ARK2N: variants seen among roughly 807,000 people sequenced by gnomAD.
ARK2N encodes the protein protein ARK2N.
At chr18:46,202,926 A>T in the ARK2N span, among the ~76,000 whole-genome samples, 1 of 152,178 alleles carries the variant, frequency 6.6e-6, no homozygotes, top group Admixed American at 6.5e-5. Flanking sequence ...CTTGGAGAGA[A>T]TACTGTTTTA....
At chr18:46,248,710 G>T in the ARK2N span, among the ~76,000 whole-genome samples, 44 of 152,126 alleles carry the variant, frequency 2.9e-4, no homozygotes, top group African/African-American at 9.9e-4. Context: ...TCAGCATCCG[G>T]AGTAGCAGGG....
At chr18:46,254,674 CTGTT>C in the ARK2N span, among the ~76,000 whole-genome samples, 1 of 152,158 alleles carries the variant, frequency 6.6e-6, no homozygotes, top group Non-Finnish European at 1.5e-5. Flanking sequence ...TCATCGATGT[CTGTT>C]TGTGCACTCC....
At chr18:46,198,805 G>T in the ARK2N span, among the ~76,000 whole-genome samples, 1 of 151,822 alleles carries the variant, frequency 6.6e-6, no homozygotes, top group East Asian at 1.9e-4. Context: ...CACTATGTTG[G>T]CCAGGTTGGT....
the ARK2N span, chr18:46,217,650 CTT>C: frequency 6.6e-6 from 1 of 152,166 alleles, no homozygotes; most frequent in Non-Finnish European, 1.5e-5. Context: ...GCTTCCCAAA[CTT>C]ATATAAATTC....
At chr18:46,221,312 G>A in the ARK2N span, among the ~76,000 whole-genome samples, 3 of 151,378 alleles carry the variant, frequency 2.0e-5, no homozygotes, top group South Asian at 4.2e-4. Flanking sequence ...TTGGGAGGCT[G>A]AGGCAGATGG....
chr18:46,249,396 A>G, the ARK2N span, among the ~76,000 whole-genome samples: 8 of 149,778 alleles, frequency 5.3e-5, no homozygotes, highest in South Asian at 1.7e-3. Context: ...CGCCCGGCTA[A>G]TTTTTTTTTG....
chr18:46,240,304 A>C, the ARK2N span: 6 of 1,140,868 alleles, frequency 5.3e-6, no homozygotes, highest in Middle Eastern at 2.4e-4. Flanking sequence ...TCTGGCATTG[A>C]ATGATTGGTT....
At chr18:46,192,796 C>G in the ARK2N span, among the ~76,000 whole-genome samples, 1 of 151,124 alleles carries the variant, frequency 6.6e-6, no homozygotes, top group Non-Finnish European at 1.5e-5. Flanking sequence ...TCTTGAACTC[C>G]TGACCTCAAA....
chr18:46,178,983 C>G, the ARK2N span, among the ~76,000 whole-genome samples: 3 of 152,048 alleles, frequency 2.0e-5, no homozygotes, highest in African/African-American at 7.2e-5. Context: ...TGCCCTTTCA[C>G]CCAGGCTGAA....
the ARK2N span, among the ~76,000 whole-genome samples, chr18:46,257,178 A>G: frequency 6.6e-6 from 1 of 151,952 alleles, no homozygotes; most frequent in African/African-American, 2.4e-5. Flanking sequence ...TGGGTTTTTA[A>G]GAGTTTTTAA....
chr18:46,217,064 C>T, the ARK2N span: 1 of 153,898 alleles, frequency 6.5e-6, no homozygotes, highest in African/African-American at 2.4e-5. Context: ...AATTTTTCCT[C>T]CAAAAACAGT....
chr18:46,174,849 T>G, the ARK2N span, among the ~76,000 whole-genome samples: 1 of 152,072 alleles, frequency 6.6e-6, no homozygotes, highest in Non-Finnish European at 1.5e-5. Flanking sequence ...AGCGGAGAGC[T>G]CCGGCGCCGC....
the ARK2N span, among the ~76,000 whole-genome samples, chr18:46,221,532 C>G: frequency 2.8e-5 from 4 of 144,912 alleles, no homozygotes; most frequent in Admixed American, 2.1e-4. Context: ...TGCACTCCAG[C>G]CTGGGTGACA....
the ARK2N span, among the ~76,000 whole-genome samples, chr18:46,194,450 A>G: frequency 6.6e-6 from 1 of 151,226 alleles, no homozygotes. Context: ...AGGAGCTATT[A>G]CAGAATCTTT....
the ARK2N span, among the ~76,000 whole-genome samples, chr18:46,250,926 C>T: frequency 6.6e-6 from 1 of 152,176 alleles, no homozygotes; most frequent in Non-Finnish European, 1.5e-5. Context: ...TCCCTGATTA[C>T]CCTCAAGTCT....
the ARK2N span, among the ~76,000 whole-genome samples, chr18:46,190,965 T>G: frequency 3.1e-4 from 47 of 152,304 alleles, no homozygotes; most frequent in Non-Finnish European, 6.0e-4. Context: ...TTTAATAGAT[T>G]CATTTAACTG....
At chr18:46,194,461 T>C in the ARK2N span, among the ~76,000 whole-genome samples, 124 of 150,694 alleles carry the variant, frequency 8.2e-4, 2 homozygotes, top group East Asian at 0.019. Flanking sequence ...CAGAATCTTT[T>C]TTTTGTTTTT....
At chr18:46,243,408 A>G in the ARK2N span, among the ~76,000 whole-genome samples, 17 of 152,304 alleles carry the variant, frequency 1.1e-4, no homozygotes, top group East Asian at 2.7e-3. Flanking sequence ...ACTTTAATCA[A>G]CAGCAGCATC....
the ARK2N span, chr18:46,216,351 C>T: frequency 6.2e-7 from 1 of 1,614,062 alleles, no homozygotes; most frequent in East Asian, 2.2e-5. The surrounding 1 kb of genome is among the most constrained non-coding windows in gnomAD (Gnocchi z 4.3). Context: ...CCAAGAAAAA[C>T]CGGCAATCCA....
Sources: gnomAD v4.1 joint callset for allele counts (sites outside exome capture counted in the v4.1 genomes callset) on GRCh38, gnomAD v4.1.1 for gene constraint, Gnocchi (gnomAD v3.1) non-coding constraint, MANE v1.5 for transcripts, NCBI Gene and HGNC (gene_info 2026-07-23, HGNC 2026-07-21) for gene names.